Variants in CLASRP observed in about 807,000 individuals in gnomAD.
The protein encoded by CLASRP is CLK4-associating serine/arginine rich protein.
A neutral mutation model predicts 99.9 loss-of-function variants in CLASRP; 52 were observed. The observed-to-expected ratio is 0.52, with a 90% CI of 0.42 to 0.66. The LOEUF is 0.66. CLASRP is among the 30% of genes least tolerant of loss of function. The pLI is 0.00. For missense variants in CLASRP, 848 were observed against 999.2 expected (o/e 0.85, Z 2.04); for synonymous variants, 379 against 373.0 (o/e 1.02, Z -0.18).
chr19:45,051,103 C>T (rs1232846089), intron 2 of CLASRP, among the ~76,000 whole-genome samples: 1 of 152,030 alleles, frequency 6.6e-6, no homozygotes, highest in African/African-American at 2.4e-5. Context: ...TGGCATTTCC[C>T]TGATGGCTAA....
chr19:45,051,354 C>T (rs915521116), intron 2 of CLASRP, among the ~76,000 whole-genome samples: 5 of 151,814 alleles, frequency 3.3e-5, no homozygotes, highest in Non-Finnish European at 7.4e-5. Context: ...TGCTCTGTTG[C>T]CCAGGCTAGA....
At chr19:45,056,595 G>C (rs1972123666) in intron 6 of CLASRP, 61 bp downstream of exon 6, 4 of 1,351,100 alleles carry the variant, frequency 3.0e-6, no homozygotes, top group African/African-American at 2.9e-5. Flanking sequence ...GCCCCAGCCA[G>C]GCATGGCCTC....
At chr19:45,059,496 C>T in intron 8 of CLASRP, 132 bp downstream of exon 8, 1 of 739,748 alleles carries the variant, frequency 1.4e-6, no homozygotes, top group South Asian at 1.7e-5. Context: ...GGACTTTACA[C>T]ATGCAGGTCC....
intron 20 of CLASRP, 34 bp from the exon 21 acceptor site, chr19:45,070,769 C>T (rs1176535924): frequency 1.3e-6 from 2 of 1,590,128 alleles, no homozygotes; most frequent in Non-Finnish European, 1.7e-6. Flanking sequence ...GTGTGTATGC[C>T]CCATCCTCAC....
At chr19:45,052,598 C>G (rs1033319063) in intron 3 of CLASRP, among the ~76,000 whole-genome samples, 193 bp from the exon 4 acceptor site, 1 of 152,030 alleles carries the variant, frequency 6.6e-6, no homozygotes, top group African/African-American at 2.4e-5. Context: ...GTCCCAGGAG[C>G]CTGAATGTGG....
At position 45,067,005 on chromosome 19, in the gene CLASRP, C is replaced by T. The variant is rs1287567818; in HGVS notation, c.1410-332C>T. 2.0e-5 allele frequency among the ~76,000 whole-genome samples: 3 copies of T among 152,120 alleles called. No individual in the cohort carries two copies. Among genetic ancestry groups the T allele is most frequent in the Non-Finnish European group, 4.4e-5 (3 of 68,022 alleles). Reference sequence around the variant, plus strand: ...TGTTGTGCCTGAGCTGGACACGGCTCATAAAGGGGGAGCCAGCCATCCCTC... The same window carrying T: ...TGTTGTGCCTGAGCTGGACACGGCTTATAAAGGGGGAGCCAGCCATCCCTC... On this transcript the variant is annotated intron_variant, in intron 13 of 20. Coordinates refer to ENST00000221455, the MANE Select transcript of CLASRP (RefSeq NM_007056.3). This position sits in a 1 kb window ranked among gnomAD's most constrained non-coding sequence, Gnocchi z 4.9.
intron 1 of CLASRP, chr19:45,039,516 C>G (rs1971771949): frequency 6.5e-6 from 1 of 152,762 alleles, no homozygotes; most frequent in Non-Finnish European, 1.5e-5. Flanking sequence ...CTCTCAGGCT[C>G]TACGCTCTTT....
intron 2 of CLASRP, among the ~76,000 whole-genome samples, chr19:45,043,266 G>C (rs1295973063): frequency 7.0e-6 from 1 of 142,776 alleles, no homozygotes; most frequent in African/African-American, 2.6e-5. Context: ...CAAAAAATTA[G>C]CTGGGCGTGG....
At chr19:45,063,775 T>C (rs1433901802) in intron 11 of CLASRP, among the ~76,000 whole-genome samples, 1 of 152,006 alleles carries the variant, frequency 6.6e-6, no homozygotes, top group Non-Finnish European at 1.5e-5. Flanking sequence ...CATAGCCACA[T>C]AAAATCAGAG....
At chr19:45,069,688 T>C (rs1316614615) in intron 18 of CLASRP, 1 of 436,978 alleles carries the variant, frequency 2.3e-6, no homozygotes, top group Non-Finnish European at 4.2e-6. Context: ...AGGCACCCAG[T>C]AGACGTAGCC....
Position 45,052,478 on chromosome 19 carries a change from C to A in CLASRP, c.197+310C>A, listed in dbSNP as rs566177789. ...GAGCTGGCTCAGGGTGCCTGGGGCC[C>A]GCCCCTCAAATACCCTCTAGGACCT... On this transcript the variant is annotated intron_variant, in intron 3 of 20. Coordinates refer to ENST00000221455, the MANE Select transcript of CLASRP (RefSeq NM_007056.3). Among the ~76,000 whole-genome samples the A allele has an allele frequency of 3.9e-5, 6 of 152,176 alleles. No individual in the cohort carries two copies. The South Asian group carries it at 1.0e-3, about 26-fold the overall frequency.
chr19:45,047,925 A>G (rs927404334), intron 2 of CLASRP, among the ~76,000 whole-genome samples: 5 of 151,978 alleles, frequency 3.3e-5, no homozygotes, highest in Admixed American at 6.6e-5. Flanking sequence ...CTCTACTAAA[A>G]ATACAAAAAA....
intron 2 of CLASRP, 63 bp downstream of exon 2, chr19:45,040,374 C>A: frequency 1.8e-6 from 2 of 1,099,782 alleles, no homozygotes; most frequent in Non-Finnish European, 2.7e-6. Flanking sequence ...GCTGGTCATC[C>A]TGGTAAAATC....
chr19:45,069,244 A>G lies in CLASRP; in HGVS notation c.1870A>G (p.Met624Val). 1 of 1,613,256 alleles carries G rather than the reference A, an allele frequency of 6.2e-7. No homozygotes were observed. The highest frequency in any genetic ancestry group is 8.5e-7 in the Non-Finnish European group (1 of 1,179,988). ...ELRAMARKIR[M>V]KERERREKER... Reference sequence around the variant, plus strand: ...TCGAGCCATGGCCCGCAAGATCCGCATGAAGTAAGACCTTGCCCCTCCCTG... The same window carrying G: ...TCGAGCCATGGCCCGCAAGATCCGCGTGAAGTAAGACCTTGCCCCTCCCTG... Residue 624 changes from methionine to valine, a missense_variant, in exon 18 of 21, where the codon ATG (methionine) becomes GTG (valine). Met to Val is a conservative substitution (Grantham distance 21). Transcript: ENST00000221455.
intron 5 of CLASRP, among the ~76,000 whole-genome samples, 175 bp downstream of exon 5, chr19:45,053,352 T>G (rs1167750440): frequency 6.6e-6 from 1 of 152,160 alleles, no homozygotes; most frequent in East Asian, 1.9e-4. Context: ...CTTCTAGATT[T>G]GGTATAGGGG....
At position 45,070,871 on chromosome 19, in the gene CLASRP, CA is replaced by C; in HGVS notation, c.*28del. On this transcript the variant is annotated 3_prime_UTR_variant, in exon 21 of 21. Coordinates refer to ENST00000221455, the MANE Select transcript of CLASRP (RefSeq NM_007056.3). ...GCAGAAGAGTGGGGGGTGGGGAGGA[CA>C]AGGGGGTGGGTAAGGGGCTCAAGCT... 1.1e-6 allele frequency: 1 copy of C among 932,940 alleles called. No individual in the cohort carries two copies. The highest frequency in any genetic ancestry group is 1.4e-5 in the South Asian group (1 of 72,462). The allele number at this position is 932,940 out of a possible 1,614,324, so 57.8% of individuals were successfully genotyped here. A position where few individuals can be genotyped will look rare whatever the true frequency, so the allele number is the denominator to read the frequency against.
intron 5 of CLASRP, among the ~76,000 whole-genome samples, chr19:45,055,245 G>A (rs1972099569): frequency 6.6e-6 from 1 of 152,230 alleles, no homozygotes; most frequent in South Asian, 2.1e-4. Flanking sequence ...AAATAGGACA[G>A]AAGTCCTGGA....
Position 45,064,331 on chromosome 19 carries a change from C to G in CLASRP, c.1122-12C>G. 1 of 1,521,700 alleles carries G rather than the reference C, an allele frequency of 6.6e-7. No homozygotes were observed. Among genetic ancestry groups the G allele is most frequent in the Non-Finnish European group, 8.8e-7 (1 of 1,138,630 alleles). The allele number at this position is 1,521,700 out of a possible 1,614,324, so 94.3% of individuals were successfully genotyped here. On this transcript the variant is annotated splice_polypyrimidine_tract_variant and intron_variant, in intron 12 of 20. Transcript: ENST00000221455. ...GGCCTGCGCTGACCGGCCCTCCGTGCCCCGCCTGCAGCCGCCGCTCCTCCT... is the reference window on the plus strand; with the variant it reads ...GGCCTGCGCTGACCGGCCCTCCGTGGCCCGCCTGCAGCCGCCGCTCCTCCT...
intron 12 of CLASRP, 52 bp downstream of exon 12, chr19:45,064,279 C>A (rs1239331002): frequency 6.6e-7 from 1 of 1,523,436 alleles, no homozygotes; most frequent in South Asian, 1.2e-5. Context: ...ATGGGGGGTA[C>A]CCGGGGCAGA....
Sources: allele counts gnomAD v4.1 joint callset (sites outside exome capture counted in the v4.1 genomes callset), GRCh38; gene constraint gnomAD v4.1.1; non-coding constraint Gnocchi (gnomAD v3.1); transcripts MANE v1.5; gene names NCBI Gene and HGNC (gene_info 2026-07-23, HGNC 2026-07-21).